The following ANKRD36C variants were observed in gnomAD, a reference collection of about 807,000 sequenced individuals.
ANKRD36C encodes the protein ankyrin repeat domain 36C.
ANKRD36C carries 61 observed loss-of-function variants against 276.4 expected under a neutral mutation model. The ratio of observed to expected loss-of-function variants is 0.22; its 90% CI spans 0.18 to 0.27. ANKRD36C has a LOEUF of 0.27. ANKRD36C is among the 10% of genes least tolerant of loss of function. ANKRD36C has a pLI of 1.00. For synonymous variants in ANKRD36C, 483 were observed against 680.1 expected (o/e 0.71, Z 4.51); for missense variants, 1,447 against 2,032.3 (o/e 0.71, Z 5.54).
At chr2:95,902,486 T>C (rs563247668) in intron 42 of ANKRD36C, among the ~76,000 whole-genome samples, 3 of 150,668 alleles carry the variant, frequency 2.0e-5, no homozygotes, top group Non-Finnish European at 4.5e-5. Flanking sequence ...CTCCTAACAG[T>C]GTCTACGGGT....
intron 60 of ANKRD36C, among the ~76,000 whole-genome samples, chr2:95,866,557 A>C (rs1298366248): frequency 2.0e-5 from 3 of 152,136 alleles, no homozygotes; most frequent in Admixed American, 6.6e-5. Context: ...CATTAGGATC[A>C]TGTACATTAA....
At chr2:95,918,570 C>A (rs990193526) in intron 34 of ANKRD36C, among the ~76,000 whole-genome samples, 1 of 151,666 alleles carries the variant, frequency 6.6e-6, no homozygotes, top group African/African-American at 2.4e-5. Flanking sequence ...AAATTGATCA[C>A]CTTGGATATC....
At chr2:95,891,449 C>G (rs1403328969) in intron 46 of ANKRD36C, among the ~76,000 whole-genome samples, 1 of 151,438 alleles carries the variant, frequency 6.6e-6, no homozygotes, top group Non-Finnish European at 1.5e-5. Flanking sequence ...TTTCTTCTTC[C>G]CACTTTCAAT....
chr2:95,896,925 G>A (rs1190833880), intron 44 of ANKRD36C, among the ~76,000 whole-genome samples: 3 of 148,062 alleles, frequency 2.0e-5, no homozygotes, highest in Non-Finnish European at 4.5e-5. Flanking sequence ...ACGATCTGAA[G>A]TGTGTAAATT....
At position 95,923,723 on chromosome 2, in the gene ANKRD36C, T is replaced by A. The variant is rs1329456690; in HGVS notation, c.2042-34A>T. The A allele has an allele frequency of 1.9e-6, 3 of 1,607,826 alleles. No individual in the cohort carries two copies. The African/African-American group carries it at 4.0e-5, about 22-fold the overall frequency. On this transcript the variant is annotated intron_variant, in intron 30 of 66. Transcript: ENST00000456556. Reference sequence around the variant, plus strand: ...CAAAAGGGATACATAATCACTCATATGTAAATATGATAAAGTTATCTATAC... The same window carrying A: ...CAAAAGGGATACATAATCACTCATAAGTAAATATGATAAAGTTATCTATAC...
chr2:95,862,771 T>C (rs553970630), intron 60 of ANKRD36C, among the ~76,000 whole-genome samples: 2 of 152,058 alleles, frequency 1.3e-5, no homozygotes, highest in Admixed American at 6.6e-5. Flanking sequence ...TTACAGGTAG[T>C]TGGTCATGAG....
In ANKRD36C at chr2:95,987,087, T is replaced by C; in HGVS notation, c.312+5A>G. On this transcript the variant is annotated splice_donor_5th_base_variant and intron_variant, in intron 2 of 66. Transcript: ENST00000456556. ...CATGCTCAAAAAGAGTCAGCTACTA[T>C]GTACCTTGATCAGAGGTGTCCTGTC... The C allele has an allele frequency of 6.6e-7, 1 of 1,525,284 alleles. No individual in the cohort carries two copies. The highest frequency in any genetic ancestry group is 8.9e-7 in the Non-Finnish European group (1 of 1,127,424). The allele number at this position is 1,525,284 out of a possible 1,614,324, so 94.5% of individuals were successfully genotyped here.
At chr2:95,981,406 T>A (rs990042108) in intron 4 of ANKRD36C, among the ~76,000 whole-genome samples, 11 of 148,002 alleles carry the variant, frequency 7.4e-5, no homozygotes, top group African/African-American at 2.7e-4. Flanking sequence ...CTATATTATA[T>A]ATTATCTATA....
In ANKRD36C at chr2:95,931,736, C is replaced by A. The variant is rs374927770; in HGVS notation, c.1736-2469G>T. Among the ~76,000 whole-genome samples, 1,226 of 148,324 alleles carry A rather than the reference C, an allele frequency of 8.3e-3. 11 individuals carry two copies. Among genetic ancestry groups the A allele is most frequent in the South Asian group, 0.021 (98 of 4,690 alleles). On this transcript the variant is annotated intron_variant, in intron 24 of 66. Transcript: ENST00000456556. ...AGACAAGCTGAGATCCTTACTAGAT[C>A]CAAGAAGAGCAAAGTACATTAGACA... is the stretch of plus-strand genomic sequence containing the variant.
At chr2:95,917,821 T>C in intron 36 of ANKRD36C, 34 bp downstream of exon 38, 2 of 1,571,414 alleles carry the variant, frequency 1.3e-6, no homozygotes, top group East Asian at 2.4e-5. Flanking sequence ...CTATCTGGAT[T>C]GAACGTGACA....
intron 4 of ANKRD36C, among the ~76,000 whole-genome samples, chr2:95,981,939 A>G (rs1296988600): frequency 1.3e-5 from 2 of 152,214 alleles, no homozygotes; most frequent in East Asian, 3.8e-4. Flanking sequence ...TCACATTATT[A>G]CATTGTAAAT....
exon 15 of ANKRD36C, chr2:95,951,352 T>G: frequency 1.3e-6 from 2 of 1,494,880 alleles, no homozygotes; most frequent in Non-Finnish European, 1.8e-6. Flanking sequence ...ACTTACCATC[T>G]TCTATAGATC....
intron 60 of ANKRD36C, among the ~76,000 whole-genome samples, chr2:95,860,891 AG>A (rs1675560094): frequency 6.6e-6 from 1 of 152,192 alleles, no homozygotes; most frequent in African/African-American, 2.4e-5. Context: ...TATTTAGTGG[AG>A]TAATGAAAAG....
chr2:95,959,692 C>T (rs936959877), intron 10 of ANKRD36C, among the ~76,000 whole-genome samples: 8 of 152,180 alleles, frequency 5.3e-5, no homozygotes, highest in African/African-American at 1.4e-4. Flanking sequence ...CATTAAATTG[C>T]TATTTTGTCC....
At chr2:95,910,148 A>C (rs1676867293) in intron 42 of ANKRD36C, among the ~76,000 whole-genome samples, 1 of 151,082 alleles carries the variant, frequency 6.6e-6, no homozygotes, top group Non-Finnish European at 1.5e-5. Context: ...CTCTCCATAT[A>C]TCTTCTTCCC....
intron 26 of ANKRD36C, 131 bp from the exon 27 acceptor site, chr2:95,927,540 T>G: frequency 1.4e-6 from 2 of 1,434,402 alleles, no homozygotes; most frequent in Non-Finnish European, 1.9e-6. Context: ...TTTCTACTTT[T>G]TGTCTGGAGA....
intron 13 of ANKRD36C, 138 bp downstream of exon 13, chr2:95,956,648 T>C (rs978861104): frequency 2.2e-6 from 2 of 914,688 alleles, no homozygotes; most frequent in Admixed American, 3.0e-5. Context: ...TAAAGCTGTG[T>C]GGAGATGACA....
chr2:95,929,831 T>C (rs977954507), intron 24 of ANKRD36C, among the ~76,000 whole-genome samples: 1 of 151,442 alleles, frequency 6.6e-6, no homozygotes, highest in Non-Finnish European at 1.5e-5. Flanking sequence ...GTATGTAATA[T>C]TCATTATTTT....
intron 58 of ANKRD36C, among the ~76,000 whole-genome samples, chr2:95,879,551 C>T (rs1272406859): frequency 3.3e-5 from 5 of 151,990 alleles, no homozygotes; most frequent in South Asian, 2.1e-4. Flanking sequence ...CAAACTATCT[C>T]ATCTACTCCA....
Sources: allele counts gnomAD v4.1 joint callset (sites outside exome capture counted in the v4.1 genomes callset), GRCh38; gene constraint gnomAD v4.1.1; transcripts MANE v1.5; gene names NCBI Gene and HGNC (gene_info 2026-07-23, HGNC 2026-07-21).